Variants in HECW2 observed in about 807,000 individuals in gnomAD.
HECW2 encodes the protein E3 ubiquitin-protein ligase HECW2.
Under a neutral mutation model 175.2 loss-of-function variants are expected in HECW2, and 61 were observed. That is an observed-to-expected ratio of 0.35 (90% CI 0.28 to 0.43). The LOEUF is 0.43. Ranked by LOEUF, HECW2 falls within the 20% of genes least tolerant of loss-of-function variation. The pLI is 1.00. For missense variants in HECW2, 1,524 were observed against 2,000.5 expected, an observed-to-expected ratio of 0.76 and a Z score of 4.54; for synonymous variants, 671 against 731.0, an observed-to-expected ratio of 0.92 and a Z score of 1.32.
rs1487433669 is a variant in HECW2, at chr2:196,387,703, G to GAT, written c.293-43941_293-43940dup. Among the ~76,000 whole-genome samples the GAT allele has an allele frequency of 8.5e-5, 13 of 152,154 alleles. No homozygotes were observed. In the South Asian group the frequency reaches 2.5e-3, roughly 29 times the overall value. ...ATCTACATATCTATATATAGAGAGAGATATATATATCTCCAGGGATCAGAA... is the reference window on the plus strand; with the variant it reads ...ATCTACATATCTATATATAGAGAGAGATATATATATATCTCCAGGGATCAGAA... On this transcript the variant is annotated intron_variant, in intron 2 of 28. Transcript: ENST00000644978.
intron 19 of HECW2, among the ~76,000 whole-genome samples, chr2:196,251,953 C>CT (rs1176563168): frequency 1.3e-5 from 2 of 152,008 alleles, no homozygotes; most frequent in African/African-American, 2.4e-5. Flanking sequence ...AATACCAGCA[C>CT]TTTGGGAGGC....
chr2:196,387,357 G>A (rs1335966568), intron 2 of HECW2, among the ~76,000 whole-genome samples: 3 of 152,112 alleles, frequency 2.0e-5, no homozygotes, highest in Non-Finnish European at 4.4e-5. Context: ...AAGCCCTCAT[G>A]AATGTAATTA....
At chr2:196,495,259 G>A (rs1350318911) in intron 1 of HECW2, among the ~76,000 whole-genome samples, 1 of 151,828 alleles carries the variant, frequency 6.6e-6, no homozygotes, top group African/African-American at 2.4e-5. Flanking sequence ...GTAGAGATGG[G>A]GTTTCACCAT....
intron 2 of HECW2, among the ~76,000 whole-genome samples, chr2:196,396,267 A>G (rs1487735807): frequency 1.3e-5 from 2 of 152,254 alleles, no homozygotes; most frequent in Non-Finnish European, 2.9e-5. Flanking sequence ...AATAAAAAGT[A>G]TACAAACAAG....
chr2:196,529,878 T>A (rs116518203), intron 1 of HECW2, among the ~76,000 whole-genome samples: 3 of 152,322 alleles, frequency 2.0e-5, no homozygotes, highest in African/African-American at 7.2e-5. Context: ...CTGCCCTAAC[T>A]AATACAGTTA....
chr2:196,462,059 T>A (rs1339555352), intron 1 of HECW2, among the ~76,000 whole-genome samples: 1 of 152,158 alleles, frequency 6.6e-6, no homozygotes, highest in South Asian at 2.1e-4. Context: ...TGTGTGCGTA[T>A]ACATATATGT....
At chr2:196,371,696 C>T (rs1008678289) in intron 2 of HECW2, among the ~76,000 whole-genome samples, 17 of 152,296 alleles carry the variant, frequency 1.1e-4, no homozygotes, top group African/African-American at 3.8e-4. Context: ...TATTTTCACT[C>T]TATTTTACAA....
rs544887162 is a variant in HECW2, at chr2:196,490,478, C to A, written c.-35-57020G>T. Reference sequence around the variant, plus strand: ...AAAAAGTTATTCCAACAAGAAGAACCCTCACATACTGGTGAAAATGGTGGT... The same window carrying A: ...AAAAAGTTATTCCAACAAGAAGAACACTCACATACTGGTGAAAATGGTGGT... On this transcript the variant is annotated intron_variant, in intron 1 of 28. Transcript: ENST00000644978. Among the ~76,000 whole-genome samples the A allele has an allele frequency of 7.9e-5, 12 of 152,202 alleles. No homozygotes were observed. The South Asian group carries it at 1.9e-3, about 24-fold the overall frequency.
intron 2 of HECW2, among the ~76,000 whole-genome samples, chr2:196,392,679 G>C (rs189363521): frequency 1.8e-4 from 27 of 152,056 alleles, no homozygotes; most frequent in Admixed American, 1.6e-3. Flanking sequence ...AATATTTCTG[G>C]AAAACATTAA....
At chr2:196,377,794 TTAAAA>T (rs1694093292) in intron 2 of HECW2, among the ~76,000 whole-genome samples, 2 of 152,210 alleles carry the variant, frequency 1.3e-5, no homozygotes, top group Admixed American at 1.3e-4. Flanking sequence ...CTGAAAGCAC[TTAAAA>T]TAAGTTTTTC....
chr2:196,297,369 C>T (rs1690856648), intron 13 of HECW2, among the ~76,000 whole-genome samples: 1 of 152,138 alleles, frequency 6.6e-6, no homozygotes, highest in South Asian at 2.1e-4. Flanking sequence ...TGTTAAATAA[C>T]ACTCCTTAGA....
rs773837600 is a variant in HECW2 at position 196,319,232 on chromosome 2, C to A, written c.1658G>T (p.Gly553Val). 1.9e-6 allele frequency: 3 copies of A among 1,596,482 alleles called. No homozygotes were observed. Among genetic ancestry groups the A allele is most frequent in the Middle Eastern group, 1.7e-4 (1 of 5,968 alleles). Residue 553 changes from glycine to valine, a missense_variant, in exon 9 of 29, where the codon GGC (glycine) becomes GTC (valine). Coordinates refer to ENST00000644978, the MANE Select transcript of HECW2 (RefSeq NM_001348768.2). The part of the protein sequence containing the change: ...AGPAPEEGEG[G>V]PEPQPSADQG... ...GTCAGCACTGGGTTGAGGCTCTGGGCCGCCTTCACCTTCCTCTGGGGCTGG... is the reference window on the plus strand; with the variant it reads ...GTCAGCACTGGGTTGAGGCTCTGGGACGCCTTCACCTTCCTCTGGGGCTGG...
At chr2:196,480,546 G>A (rs1480946458) in intron 1 of HECW2, among the ~76,000 whole-genome samples, 2 of 152,186 alleles carry the variant, frequency 1.3e-5, no homozygotes, top group Non-Finnish European at 2.9e-5. Flanking sequence ...CATTGTACAA[G>A]TCAACAAGAC....
intron 1 of HECW2, among the ~76,000 whole-genome samples, chr2:196,525,658 T>C (rs1688613341): frequency 6.6e-6 from 1 of 150,598 alleles, no homozygotes; most frequent in Non-Finnish European, 1.5e-5. Flanking sequence ...CAGGAGCTCT[T>C]TTAGGGCAGG....
intron 1 of HECW2, among the ~76,000 whole-genome samples, chr2:196,567,256 T>C (rs574323490): frequency 1.7e-4 from 26 of 152,182 alleles, no homozygotes; most frequent in African/African-American, 6.0e-4. Flanking sequence ...TTCCCTTAAG[T>C]AGAAATAAGA....
In HECW2 at chr2:196,299,532, A is replaced by T. The variant is rs189207523; in HGVS notation, c.2815-6782T>A. Among the ~76,000 whole-genome samples, 1,305 of 152,320 alleles carry T rather than the reference A, an allele frequency of 8.6e-3. 21 individuals are homozygous for T. The highest frequency in any genetic ancestry group is 0.03 in the African/African-American group (1,258 of 41,570). ...GGCCTAAAACAAAACAAAGCAAAAT[A>T]AAAACAGACTGCTGGGACCCACTCC... On this transcript the variant is annotated intron_variant, in intron 13 of 28. Coordinates refer to ENST00000644978, the MANE Select transcript of HECW2 (RefSeq NM_001348768.2).
At chr2:196,591,205 G>C (rs1434963034) in intron 1 of HECW2, among the ~76,000 whole-genome samples, 2 of 152,170 alleles carry the variant, frequency 1.3e-5, no homozygotes, top group Non-Finnish European at 2.9e-5. Flanking sequence ...ATGGTGAAGC[G>C]AATGTCTTAG....
At chr2:196,553,840 A>G (rs568275402) in intron 1 of HECW2, among the ~76,000 whole-genome samples, 2 of 151,254 alleles carry the variant, frequency 1.3e-5, no homozygotes, top group Non-Finnish European at 2.9e-5. Context: ...ATATCCAATC[A>G]GTAATATCCA....
chr2:196,374,976 C>T (rs1481872185), intron 2 of HECW2, among the ~76,000 whole-genome samples: 1 of 151,780 alleles, frequency 6.6e-6, no homozygotes, highest in African/African-American at 2.4e-5. Flanking sequence ...GCTTGGCCAA[C>T]ATGGTGAAAC....
Sources: allele counts gnomAD v4.1 joint callset (sites outside exome capture counted in the v4.1 genomes callset), GRCh38; gene constraint gnomAD v4.1.1; transcripts MANE v1.5; gene names NCBI Gene and HGNC (gene_info 2026-07-23, HGNC 2026-07-21).